SH3GL2: variants seen among roughly 807,000 people sequenced by gnomAD.
The protein encoded by SH3GL2 is SH3 domain containing GRB2 like 2, endophilin A1.
Under a neutral mutation model 46.0 loss-of-function variants are expected in SH3GL2, and 24 were observed. The observed-to-expected ratio is 0.52, with a 90% CI of 0.38 to 0.73. SH3GL2 has a LOEUF of 0.73. SH3GL2 is among the 30% of genes least tolerant of loss of function. SH3GL2 has a pLI of 0.00. For missense variants in SH3GL2, 413 were observed against 424.2 expected, an observed-to-expected ratio of 0.97 and a Z score of 0.23; for synonymous variants, 196 against 147.1, an observed-to-expected ratio of 1.33 and a Z score of -2.40.
chr9:17,762,524 A>G (rs535407490), intron 3 of SH3GL2, among the ~76,000 whole-genome samples: 2 of 152,136 alleles, frequency 1.3e-5, no homozygotes, highest in South Asian at 4.2e-4. Context: ...TTATTCACCT[A>G]TGACCAGCCC....
intron 3 of SH3GL2, among the ~76,000 whole-genome samples, chr9:17,784,914 A>T (rs767586147): frequency 5.9e-5 from 9 of 152,050 alleles, no homozygotes; most frequent in African/African-American, 2.2e-4. Context: ...GGGTCTTGCT[A>T]TGTTGCCTTG....
intron 1 of SH3GL2, among the ~76,000 whole-genome samples, chr9:17,685,442 C>G (rs572218130): frequency 6.6e-6 from 1 of 152,234 alleles, no homozygotes; most frequent in East Asian, 1.9e-4. Flanking sequence ...ACCTTCACAA[C>G]AGTACCTAGA....
At chr9:17,629,380 T>C (rs1010722762) in intron 1 of SH3GL2, among the ~76,000 whole-genome samples, 1 of 152,218 alleles carries the variant, frequency 6.6e-6, no homozygotes, top group Non-Finnish European at 1.5e-5. Context: ...TCCACCAGTC[T>C]TTTTTATAAT....
chr9:17,784,827 G>A (rs978129180), intron 3 of SH3GL2, among the ~76,000 whole-genome samples: 3 of 152,074 alleles, frequency 2.0e-5, no homozygotes, highest in Non-Finnish European at 2.9e-5. Context: ...ATCTTTCCAC[G>A]TCAGCTTCCC....
chr9:17,660,746 A>G (rs1820192983), intron 1 of SH3GL2, among the ~76,000 whole-genome samples: 1 of 152,238 alleles, frequency 6.6e-6, no homozygotes, highest in Non-Finnish European at 1.5e-5. Flanking sequence ...AACTTGCCTG[A>G]AAAGTGATAC....
intron 1 of SH3GL2, among the ~76,000 whole-genome samples, chr9:17,707,837 C>A (rs553851920): frequency 6.6e-6 from 1 of 152,162 alleles, no homozygotes; most frequent in South Asian, 2.1e-4. Context: ...CCTGTCCTAA[C>A]ACAGACAAGT....
intron 1 of SH3GL2, among the ~76,000 whole-genome samples, chr9:17,651,075 G>A (rs773095281): frequency 6.6e-6 from 1 of 152,016 alleles, no homozygotes; most frequent in African/African-American, 2.4e-5. Flanking sequence ...TCTTGGCTTT[G>A]CTTTTTATTG....
chr9:17,604,254 C>T (rs1818720531), intron 1 of SH3GL2, among the ~76,000 whole-genome samples: 1 of 152,204 alleles, frequency 6.6e-6, no homozygotes, highest in Non-Finnish European at 1.5e-5. Context: ...GACTCTGCTG[C>T]CTGGGCTCCA....
Position 17,738,196 on chromosome 9 carries a change from C to T in SH3GL2, c.46-8870C>T, listed in dbSNP as rs191010022. Among the ~76,000 whole-genome samples, 173 of 152,032 alleles carry T rather than the reference C, an allele frequency of 1.1e-3. 1 individual carries two copies. The highest frequency in any genetic ancestry group is 4.1e-3 in the African/African-American group (170 of 41,494). On this transcript the variant is annotated intron_variant, in intron 1 of 8. Coordinates refer to ENST00000380607, the MANE Select transcript of SH3GL2 (RefSeq NM_003026.5). ...TAGTAGGCATTCAATTTGAGTGCTG[C>T]TATATTCATTCCATTTGGTGGATTT...
intron 1 of SH3GL2, among the ~76,000 whole-genome samples, chr9:17,744,319 G>A (rs1822618245): frequency 1.3e-5 from 2 of 152,026 alleles, no homozygotes; most frequent in Admixed American, 1.3e-4. Context: ...CTATTCATGA[G>A]TTTCTGTAAC....
chr9:17,677,636 A>G (rs1306316296), intron 1 of SH3GL2, among the ~76,000 whole-genome samples: 1 of 151,172 alleles, frequency 6.6e-6, no homozygotes, highest in African/African-American at 2.4e-5. Context: ...ATATATATAT[A>G]TATATATTTA....
intron 1 of SH3GL2, among the ~76,000 whole-genome samples, chr9:17,654,280 G>A (rs1007383721): frequency 7.2e-5 from 11 of 152,086 alleles, no homozygotes; most frequent in Non-Finnish European, 1.0e-4. Flanking sequence ...TCATAATATC[G>A]CTTTACTGTG....
intron 1 of SH3GL2, among the ~76,000 whole-genome samples, chr9:17,681,547 T>C (rs1820766743): frequency 6.6e-6 from 1 of 152,138 alleles, no homozygotes; most frequent in Admixed American, 6.5e-5. Flanking sequence ...TATACAAAAG[T>C]TAACTCAAGA....
chr9:17,666,545 C>CTGTGT (rs112240956), intron 1 of SH3GL2, among the ~76,000 whole-genome samples: 2 of 142,046 alleles, frequency 1.4e-5, no homozygotes, highest in Non-Finnish European at 3.1e-5. Flanking sequence ...ACAAAGGTAA[C>CTGTGT]GTGTGTGTGT....
chr9:17,599,536 T>A (rs1264991506), intron 1 of SH3GL2, among the ~76,000 whole-genome samples: 2 of 151,286 alleles, frequency 1.3e-5, no homozygotes, highest in African/African-American at 2.5e-5. Flanking sequence ...GTAGGATAAT[T>A]GGGGATGTGC....
intron 1 of SH3GL2, among the ~76,000 whole-genome samples, chr9:17,689,438 G>T (rs1381706725): frequency 6.6e-6 from 1 of 152,038 alleles, no homozygotes; most frequent in African/African-American, 2.4e-5. Context: ...CTCGTCAATT[G>T]TAACAAATAT....
At chr9:17,606,555 T>C (rs1166209381) in intron 1 of SH3GL2, among the ~76,000 whole-genome samples, 1 of 152,212 alleles carries the variant, frequency 6.6e-6, no homozygotes, top group Non-Finnish European at 1.5e-5. Flanking sequence ...TCCATGGCTG[T>C]ACCAGTTCAG....
At chr9:17,716,896 C>T (rs10963224) in intron 1 of SH3GL2, among the ~76,000 whole-genome samples, 37,158 of 151,890 alleles carry the variant, frequency 0.24, 7,496 homozygotes, top group African/African-American at 0.55. Flanking sequence ...CATTTCTTGA[C>T]ACTCATTCTT....
At chr9:17,599,213 G>A (rs1818626070) in intron 1 of SH3GL2, among the ~76,000 whole-genome samples, 1 of 152,082 alleles carries the variant, frequency 6.6e-6, no homozygotes, top group Admixed American at 6.6e-5. Flanking sequence ...TTTTGAAATG[G>A]GGAATACTTT....
Sources: allele counts gnomAD v4.1 joint callset (sites outside exome capture counted in the v4.1 genomes callset), GRCh38; gene constraint gnomAD v4.1.1; transcripts MANE v1.5; gene names NCBI Gene and HGNC (gene_info 2026-07-23, HGNC 2026-07-21).